RC3H1: variants seen among roughly 807,000 people sequenced by gnomAD.
RC3H1 encodes the protein roquin-1.
A neutral mutation model predicts 138.2 loss-of-function variants in RC3H1; 50 were observed. The ratio of observed to expected loss-of-function variants is 0.36; its 90% CI spans 0.29 to 0.46. The LOEUF is 0.46. RC3H1 is among the 20% of genes least tolerant of loss of function. RC3H1 has a pLI of 1.00. For synonymous variants in RC3H1, 462 were observed against 489.1 expected, an observed-to-expected ratio of 0.94 and a Z score of 0.73; for missense variants, 1,031 against 1,388.1, an observed-to-expected ratio of 0.74 and a Z score of 4.09.
intron 7 of RC3H1, among the ~76,000 whole-genome samples, chr1:173,975,539 C>T (rs1379179273): frequency 6.6e-6 from 1 of 152,064 alleles, no homozygotes; most frequent in African/African-American, 2.4e-5. Context: ...TGTCTTCATA[C>T]AAATGCATTC....
At chr1:173,985,092 C>T (rs1660970129) in intron 2 of RC3H1, among the ~76,000 whole-genome samples, 1 of 152,148 alleles carries the variant, frequency 6.6e-6, no homozygotes, top group African/African-American at 2.4e-5. Flanking sequence ...TGACTTACTT[C>T]TTTCACTTAA....
intron 1 of RC3H1, among the ~76,000 whole-genome samples, chr1:173,993,489 G>A (rs767496395): frequency 6.6e-6 from 1 of 151,334 alleles, no homozygotes; most frequent in Non-Finnish European, 1.5e-5. Flanking sequence ...CGTCTCCTGG[G>A]TTCAAGCGAT....
intron 11 of RC3H1, 100 bp from the exon 12 acceptor site, chr1:173,962,195 T>A (rs1377556569): frequency 4.5e-5 from 50 of 1,106,368 alleles, no homozygotes; most frequent in Admixed American, 2.2e-4. Context: ...AAAGTATTGA[T>A]AATCTACTTA....
chr1:173,958,197 A>G (rs2102916495), intron 13 of RC3H1, among the ~76,000 whole-genome samples: 1 of 152,284 alleles, frequency 6.6e-6, no homozygotes, highest in African/African-American at 2.4e-5. Flanking sequence ...AATACAAACT[A>G]TAAGCTAAAG....
intron 2 of RC3H1, among the ~76,000 whole-genome samples, chr1:173,990,850 C>T (rs1661254830): frequency 1.3e-5 from 2 of 152,160 alleles, no homozygotes; most frequent in South Asian, 4.1e-4. Context: ...GATCCACCCG[C>T]CTCGGCCTCC....
chr1:174,010,580 T>G (rs1056730145), intron 1 of RC3H1, among the ~76,000 whole-genome samples: 18 of 152,002 alleles, frequency 1.2e-4, no homozygotes, highest in African/African-American at 4.1e-4. Flanking sequence ...TGCCTGGCTG[T>G]TTTTTTAATT....
intron 1 of RC3H1, among the ~76,000 whole-genome samples, chr1:174,017,380 A>G (rs1661879501): frequency 6.7e-6 from 1 of 148,574 alleles, no homozygotes; most frequent in South Asian, 2.1e-4. Flanking sequence ...TCTTCCATAA[A>G]GAGTCCCTGG....
intron 1 of RC3H1, among the ~76,000 whole-genome samples, chr1:174,011,361 T>C (rs1423697684): frequency 6.6e-6 from 1 of 152,188 alleles, no homozygotes; most frequent in Admixed American, 6.5e-5. Flanking sequence ...CAAAGAAGAT[T>C]GACAGTTTTA....
At chr1:173,980,034 C>T (rs1239781666) in intron 6 of RC3H1, among the ~76,000 whole-genome samples, 1 of 151,532 alleles carries the variant, frequency 6.6e-6, no homozygotes, top group East Asian at 1.9e-4. Flanking sequence ...CCTACCACCA[C>T]ACCTGGCTAT....
intron 1 of RC3H1, among the ~76,000 whole-genome samples, chr1:174,001,539 T>A (rs1306650052): frequency 6.6e-6 from 1 of 152,114 alleles, no homozygotes; most frequent in Non-Finnish European, 1.5e-5. Flanking sequence ...CTCCACCTCC[T>A]AGGTTCAAGC....
At chr1:173,976,100 A>T (rs369993530) in intron 7 of RC3H1, among the ~76,000 whole-genome samples, 6 of 152,048 alleles carry the variant, frequency 3.9e-5, no homozygotes, top group African/African-American at 1.2e-4. Flanking sequence ...GAAGAGAATT[A>T]GTAGCCTAGA....
chr1:173,951,095 C>T (rs372756576), intron 14 of RC3H1, among the ~76,000 whole-genome samples: 2 of 152,066 alleles, frequency 1.3e-5, no homozygotes, highest in Non-Finnish European at 2.9e-5. Flanking sequence ...AAGGCCGAGG[C>T]GGGTGGATCA....
intron 1 of RC3H1, among the ~76,000 whole-genome samples, chr1:174,004,599 G>C (rs1661619463): frequency 6.6e-6 from 1 of 151,440 alleles, no homozygotes; most frequent in African/African-American, 2.4e-5. Context: ...TGAGGTCAGG[G>C]GTTCGAGACC....
At chr1:173,997,303 T>C (rs1467611513) in intron 1 of RC3H1, among the ~76,000 whole-genome samples, 1 of 152,174 alleles carries the variant, frequency 6.6e-6, no homozygotes, top group Non-Finnish European at 1.5e-5. Context: ...GAATTACTTA[T>C]ATAAGTACAA....
At chr1:173,947,300 G>A in intron 15 of RC3H1, 69 bp downstream of exon 15, 1 of 1,030,252 alleles carries the variant, frequency 9.7e-7, no homozygotes, top group Non-Finnish European at 1.5e-6. Context: ...ATAGTAAATG[G>A]AGAGCAGGGG....
intron 1 of RC3H1, among the ~76,000 whole-genome samples, 170 bp downstream of exon 1, chr1:174,021,926 C>G (rs1661970213): frequency 6.6e-6 from 1 of 152,222 alleles, no homozygotes. Flanking sequence ...AGCCCCAGAA[C>G]AGCCGGCGGG....
intron 1 of RC3H1, among the ~76,000 whole-genome samples, chr1:174,018,060 T>TA (rs1231500435): frequency 6.6e-6 from 1 of 151,654 alleles, no homozygotes; most frequent in African/African-American, 2.4e-5. Flanking sequence ...TAATAAAAAT[T>TA]AAAAAAAGTA....
intron 4 of RC3H1, 136 bp downstream of exon 4, chr1:173,983,282 G>T: frequency 1.8e-6 from 2 of 1,098,904 alleles, no homozygotes; most frequent in Non-Finnish European, 1.3e-6. Flanking sequence ...AATTGCCCAA[G>T]CCATGAACAT....
intron 2 of RC3H1, among the ~76,000 whole-genome samples, chr1:173,991,772 G>A (rs1020034686): frequency 6.6e-6 from 1 of 152,134 alleles, no homozygotes; most frequent in Non-Finnish European, 1.5e-5. Context: ...TAATTGATTT[G>A]CAGATGTTAA....
Sources: gnomAD v4.1 joint callset for allele counts (sites outside exome capture counted in the v4.1 genomes callset) on GRCh38, gnomAD v4.1.1 for gene constraint, MANE v1.5 for transcripts, NCBI Gene and HGNC (gene_info 2026-07-23, HGNC 2026-07-21) for gene names.